DIP2B: variants seen among roughly 807,000 people sequenced by gnomAD.
DIP2B encodes DIP2 acetate--CoA ligase B (putative), also known as disco-interacting protein 2 homolog B.
In DIP2B, 76 loss-of-function variants were observed where a neutral mutation model predicts 198.0. That is an observed-to-expected ratio of 0.38 (90% CI 0.32 to 0.46). The LOEUF (loss-of-function observed/expected upper bound fraction) is 0.46, where lower values mean the gene tolerates loss of function less well. DIP2B is among the 20% of genes least tolerant of loss of function. DIP2B has a pLI of 0.99. For missense variants in DIP2B, 1,559 were observed against 1,978.4 expected, an observed-to-expected ratio of 0.79 and a Z score of 4.02; for synonymous variants, 701 against 739.1, an observed-to-expected ratio of 0.95 and a Z score of 0.84.
At chr12:50,521,684 C>T (rs182436588) in intron 1 of DIP2B, among the ~76,000 whole-genome samples, 31 of 151,324 alleles carry the variant, frequency 2.0e-4, no homozygotes, top group African/African-American at 7.3e-4. Context: ...TCAGTAGAGA[C>T]GGGGTTTCTC....
chr12:50,693,874 G>A (rs568709710), intron 14 of DIP2B, among the ~76,000 whole-genome samples: 12 of 152,278 alleles, frequency 7.9e-5, no homozygotes, highest in African/African-American at 2.6e-4. Context: ...CTTTGGGCAA[G>A]TTAGAGAGTG....
chr12:50,616,309 T>A (rs7134976), intron 1 of DIP2B, among the ~76,000 whole-genome samples: 1 of 152,052 alleles, frequency 6.6e-6, no homozygotes, highest in Non-Finnish European at 1.5e-5. Context: ...TTAATTTCCT[T>A]GAAAAACCGT....
chr12:50,561,883 A>G (rs1958522248), intron 1 of DIP2B, among the ~76,000 whole-genome samples: 1 of 152,234 alleles, frequency 6.6e-6, no homozygotes, highest in South Asian at 2.1e-4. Flanking sequence ...TGCGGGGATT[A>G]CAGGCATGAA....
At chr12:50,509,178 A>G (rs971767808) in intron 1 of DIP2B, among the ~76,000 whole-genome samples, 2 of 152,238 alleles carry the variant, frequency 1.3e-5, no homozygotes, top group African/African-American at 4.8e-5. Context: ...AACTGCCAAC[A>G]AAACAGTGCA....
At chr12:50,572,574 TCA>T (rs941336849) in intron 1 of DIP2B, among the ~76,000 whole-genome samples, 1 of 152,210 alleles carries the variant, frequency 6.6e-6, no homozygotes, top group Non-Finnish European at 1.5e-5. Flanking sequence ...AAACACAGGC[TCA>T]GTTTTGTTGA....
At position 50,695,873 on chromosome 12, in the gene DIP2B, G is replaced by A; in HGVS notation, c.1839G>A (p.Arg613=). Residue 613 remains arginine (R), a synonymous_variant, in exon 16 of 38, where the codon CGG becomes CGA. Coordinates refer to ENST00000301180, the MANE Select transcript of DIP2B (RefSeq NM_173602.3). ...HKAKVALVKC[R]DLHWAMMAHR... ...CCAAGGTAGCTTTAGTAAAATGTCG[G>A]GACTTGCACTGGGCTATGATGGCAC... 1 of 1,614,014 alleles carries A rather than the reference G, an allele frequency of 6.2e-7. No individual in the cohort carries two copies. The highest frequency in any genetic ancestry group is 1.3e-5 in the African/African-American group (1 of 75,018).
intron 1 of DIP2B, among the ~76,000 whole-genome samples, chr12:50,620,673 A>T (rs981185377): frequency 6.6e-6 from 1 of 152,226 alleles, no homozygotes; most frequent in Non-Finnish European, 1.5e-5. Context: ...CTTATATGCC[A>T]TTTTAATGCA....
At chr12:50,616,318 G>T (rs1184403584) in intron 1 of DIP2B, among the ~76,000 whole-genome samples, 1 of 152,178 alleles carries the variant, frequency 6.6e-6, no homozygotes, top group Non-Finnish European at 1.5e-5. Context: ...TTGAAAAACC[G>T]TTTGTAAGAT....
chr12:50,660,174 G>T lies in DIP2B; in HGVS notation c.302-20G>T. 6.3e-7 allele frequency: 1 copy of T among 1,595,104 alleles called. No homozygotes were observed. Among genetic ancestry groups the T allele is most frequent in the South Asian group, 1.1e-5 (1 of 87,786 alleles). On this transcript the variant is annotated intron_variant, in intron 3 of 37. Transcript: ENST00000301180. ...TTTCAAGAGCCGGAAGCTAATAAAT[G>T]CAAATGTTTGCTTTTTCAGATATCC... is the stretch of plus-strand genomic sequence containing the variant.
chr12:50,553,566 T>C (rs1395798182), intron 1 of DIP2B, among the ~76,000 whole-genome samples: 1 of 152,250 alleles, frequency 6.6e-6, no homozygotes, highest in Non-Finnish European at 1.5e-5. Flanking sequence ...CAGTTTTGTC[T>C]AAACAGGAAT....
intron 1 of DIP2B, among the ~76,000 whole-genome samples, chr12:50,542,230 C>G (rs1593593787): frequency 8.4e-6 from 1 of 119,510 alleles, no homozygotes; most frequent in African/African-American, 3.3e-5. Context: ...GCCTGGGTGA[C>G]AGAGTGAGAC....
In DIP2B at chr12:50,724,179, T is replaced by G. The variant is rs998656459; in HGVS notation, c.3289-596T>G. On this transcript the variant is annotated intron_variant, in intron 27 of 37. Coordinates refer to ENST00000301180, the MANE Select transcript of DIP2B (RefSeq NM_173602.3). Reference sequence around the variant, plus strand: ...CAAAGTGTAATTCAGCAAAATGCCCTTGTTATATTCTACAAAGTGGGCCAG... The same window carrying G: ...CAAAGTGTAATTCAGCAAAATGCCCGTGTTATATTCTACAAAGTGGGCCAG... Among the ~76,000 whole-genome samples the G allele has an allele frequency of 8.5e-5, 13 of 152,218 alleles. No individual in the cohort carries two copies. The East Asian group carries it at 2.5e-3, about 29-fold the overall frequency.
At chr12:50,688,028 T>C (rs988758479) in intron 12 of DIP2B, among the ~76,000 whole-genome samples, 2 of 151,762 alleles carry the variant, frequency 1.3e-5, no homozygotes, top group Admixed American at 6.6e-5. Flanking sequence ...CTGGCCAACA[T>C]AGTGAAACCC....
intron 37 of DIP2B, 60 bp downstream of exon 37, chr12:50,741,599 T>C: frequency 2.6e-6 from 4 of 1,558,152 alleles, no homozygotes; most frequent in Non-Finnish European, 2.6e-6. Flanking sequence ...TCTCAACTGA[T>C]CTAATTAATT....
At chr12:50,723,484 A>G (rs1939878351) in intron 27 of DIP2B, among the ~76,000 whole-genome samples, 161 bp downstream of exon 27, 1 of 152,232 alleles carries the variant, frequency 6.6e-6, no homozygotes, top group Non-Finnish European at 1.5e-5. Flanking sequence ...AGTCATCATT[A>G]TTCAGTGAAG....
intron 3 of DIP2B, among the ~76,000 whole-genome samples, chr12:50,650,842 T>G (rs1938440357): frequency 6.6e-6 from 1 of 152,178 alleles, no homozygotes; most frequent in Non-Finnish European, 1.5e-5. Flanking sequence ...AATTGCTTGG[T>G]CATATGGTAA....
intron 36 of DIP2B, among the ~76,000 whole-genome samples, chr12:50,740,632 A>G (rs535636174): frequency 5.8e-4 from 88 of 152,258 alleles, no homozygotes; most frequent in Middle Eastern, 3.4e-3. Flanking sequence ...AACAGCTTCA[A>G]TCACTTTGTT....
chr12:50,706,740 G>GTATTTTGTAGGTTCTCTTTCCAAGT (rs1450780193), intron 21 of DIP2B, 75 bp downstream of exon 21: 20 of 1,527,192 alleles, frequency 1.3e-5, no homozygotes, highest in Admixed American at 1.8e-5. Flanking sequence ...GATTTCAGTG[G>GTATTTTGTAGGTTCTCTTTCCAAGT]TATTTTGTAG....
intron 22 of DIP2B, among the ~76,000 whole-genome samples, chr12:50,709,055 C>T (rs1019405564): frequency 1.2e-4 from 19 of 152,196 alleles, no homozygotes; most frequent in African/African-American, 4.3e-4. Flanking sequence ...AGCAATATGT[C>T]TGTGGTGGGG....
Sources: allele counts gnomAD v4.1 joint callset (sites outside exome capture counted in the v4.1 genomes callset), GRCh38; gene constraint gnomAD v4.1.1; transcripts MANE v1.5; gene names NCBI Gene and HGNC (gene_info 2026-07-23, HGNC 2026-07-21).